Variants in L3MBTL3 observed in about 807,000 individuals in gnomAD.
L3MBTL3 encodes the protein L3MBTL histone methyl-lysine binding protein 3, also known as lethal(3)malignant brain tumor-like protein 3.
Under a neutral mutation model 102.3 loss-of-function variants are expected in L3MBTL3, and 27 were observed. The ratio of observed to expected loss-of-function variants is 0.26; its 90% CI spans 0.19 to 0.36. The LOEUF (loss-of-function observed/expected upper bound fraction) is 0.36. Ranked by LOEUF, L3MBTL3 falls within the 10% of genes least tolerant of loss-of-function variation. L3MBTL3 has a pLI of 1.00. For missense variants in L3MBTL3, 798 were observed against 955.3 expected (o/e 0.84, Z 2.17); for synonymous variants, 340 against 320.9 (o/e 1.06, Z -0.64).
chr6:130,074,829 G>A (rs1247467191), intron 13 of L3MBTL3, among the ~76,000 whole-genome samples: 7 of 152,174 alleles, frequency 4.6e-5, no homozygotes, highest in African/African-American at 7.2e-5. Flanking sequence ...GCAAAAATTC[G>A]TAACAAAAAG....
At chr6:130,130,419 T>G (rs1786928098) in intron 20 of L3MBTL3, among the ~76,000 whole-genome samples, 1 of 152,324 alleles carries the variant, frequency 6.6e-6, no homozygotes, top group East Asian at 1.9e-4. Context: ...AAGTCAGCCC[T>G]ATGGTATTAC....
chr6:130,129,331 T>G (rs1786847319), intron 20 of L3MBTL3, among the ~76,000 whole-genome samples: 1 of 152,208 alleles, frequency 6.6e-6, no homozygotes, highest in Admixed American at 6.5e-5. Flanking sequence ...GATTAATTTG[T>G]TCATAAACAT....
chr6:130,126,639 A>G (rs1786627530), intron 20 of L3MBTL3, among the ~76,000 whole-genome samples: 1 of 152,146 alleles, frequency 6.6e-6, no homozygotes, highest in Non-Finnish European at 1.5e-5. Flanking sequence ...AGGAATTTTA[A>G]TACCTGTACT....
chr6:130,055,893 T>C (rs1269750386), intron 8 of L3MBTL3, among the ~76,000 whole-genome samples: 1 of 150,282 alleles, frequency 6.7e-6, no homozygotes, highest in Non-Finnish European at 1.5e-5. Flanking sequence ...TCCCTTCCCT[T>C]CCCTTCTGTC....
chr6:130,085,085 C>A (rs1343964526), intron 15 of L3MBTL3, among the ~76,000 whole-genome samples: 1 of 152,206 alleles, frequency 6.6e-6, no homozygotes, highest in Non-Finnish European at 1.5e-5. Context: ...CCACCTCGGC[C>A]TCCCAAAGTG....
At chr6:130,078,330 A>G (rs1295241719) in intron 13 of L3MBTL3, among the ~76,000 whole-genome samples, 2 of 152,216 alleles carry the variant, frequency 1.3e-5, no homozygotes, top group African/African-American at 4.8e-5. Flanking sequence ...TTTGTGGGGA[A>G]AAGAAAATTG....
intron 3 of L3MBTL3, among the ~76,000 whole-genome samples, chr6:130,046,706 G>A (rs185991445): frequency 1.5e-4 from 15 of 101,188 alleles, no homozygotes; most frequent in Admixed American, 4.4e-4. Flanking sequence ...GTGGAGCCAC[G>A]TGGCAAGTTT....
intron 6 of L3MBTL3, among the ~76,000 whole-genome samples, chr6:130,051,738 T>C (rs1781106939): frequency 6.6e-6 from 1 of 152,236 alleles, no homozygotes; most frequent in African/African-American, 2.4e-5. Context: ...GACACTGACA[T>C]TTATAGAAAC....
intron 18 of L3MBTL3, among the ~76,000 whole-genome samples, chr6:130,102,046 C>T (rs544803485): frequency 1.5e-4 from 23 of 152,098 alleles, no homozygotes; most frequent in Admixed American, 8.5e-4. Flanking sequence ...ACAAATTCCA[C>T]AATTTCTGAT....
At chr6:130,087,883 A>G (rs76692660) in intron 16 of L3MBTL3, among the ~76,000 whole-genome samples, 2,617 of 152,226 alleles carry the variant, frequency 0.017, 70 homozygotes, top group African/African-American at 0.059. Context: ...CAATTCTGGA[A>G]AGAATCATAC....
chr6:130,113,185 C>T (rs1203585461), intron 19 of L3MBTL3, among the ~76,000 whole-genome samples: 1 of 152,104 alleles, frequency 6.6e-6, no homozygotes, highest in Non-Finnish European at 1.5e-5. Flanking sequence ...AAAAATGTGG[C>T]TTTTGAGGCA....
intron 19 of L3MBTL3, among the ~76,000 whole-genome samples, chr6:130,118,149 A>G (rs962838438): frequency 6.6e-6 from 1 of 152,080 alleles, no homozygotes; most frequent in Non-Finnish European, 1.5e-5. Flanking sequence ...TTCATATATC[A>G]TACTTTATTT....
intron 8 of L3MBTL3, among the ~76,000 whole-genome samples, chr6:130,055,639 CCTCCCTCTCTCTCCCTCCCTCCCTCTCT>C (rs1781442725): frequency 3.5e-5 from 2 of 56,546 alleles, no homozygotes; most frequent in Non-Finnish European, 7.7e-5. Context: ...TCCCTCCCTC[CCTCCCTCTCTCTCCCTCCCTCCCTCTCT>C]CTCCCTCCCT....
chr6:130,053,053 T>C, intron 7 of L3MBTL3, 62 bp downstream of exon 7: 1 of 1,279,332 alleles, frequency 7.8e-7, no homozygotes. Context: ...AGCATCACAG[T>C]CACAAGCACT....
chr6:130,052,788 T>C, intron 6 of L3MBTL3, 71 bp from the exon 7 acceptor site: 3 of 1,515,930 alleles, frequency 2.0e-6, no homozygotes, highest in Non-Finnish European at 2.7e-6. Flanking sequence ...GATTGTTGCA[T>C]TGATAATCAA....
At chr6:130,045,704 A>G (rs1376543975) in intron 3 of L3MBTL3, among the ~76,000 whole-genome samples, 1 of 152,170 alleles carries the variant, frequency 6.6e-6, no homozygotes, top group Non-Finnish European at 1.5e-5. Context: ...GGAGGTAAAA[A>G]TTTATTTCAG....
At chr6:130,121,742 T>C (rs979081897) in intron 20 of L3MBTL3, among the ~76,000 whole-genome samples, 2 of 152,176 alleles carry the variant, frequency 1.3e-5, no homozygotes, top group African/African-American at 4.8e-5. Context: ...CCTTGAACAA[T>C]GTTTTAAGTT....
At chr6:130,118,524 C>G (rs1270008887) in intron 19 of L3MBTL3, among the ~76,000 whole-genome samples, 1 of 152,206 alleles carries the variant, frequency 6.6e-6, no homozygotes, top group Non-Finnish European at 1.5e-5. Context: ...CACCTTTCCA[C>G]TCTCTAGCTA....
chr6:130,040,207 A>G (rs1780334298), intron 2 of L3MBTL3, among the ~76,000 whole-genome samples: 1 of 151,770 alleles, frequency 6.6e-6, no homozygotes, highest in African/African-American at 2.4e-5. Flanking sequence ...GGGCGCCTAT[A>G]ATCCCCAGCT....
Sources: gnomAD v4.1 joint callset for allele counts (sites outside exome capture counted in the v4.1 genomes callset) on GRCh38, gnomAD v4.1.1 for gene constraint, MANE v1.5 for transcripts, NCBI Gene and HGNC (gene_info 2026-07-23, HGNC 2026-07-21) for gene names.